The following TMEM74 variants were observed in gnomAD, a reference collection of about 807,000 sequenced individuals.
The protein encoded by TMEM74 is transmembrane protein 74.
TMEM74 carries 13 observed loss-of-function variants against 18.1 expected under a neutral mutation model. The observed-to-expected ratio is 0.72, with a 90% CI of 0.47 to 1.14. The LOEUF is 1.14. Ranked by LOEUF, TMEM74 falls within the 50% of genes most tolerant of loss-of-function variation. The pLI is 0.00. For synonymous variants in TMEM74, 159 were observed against 146.6 expected (o/e 1.08, Z -0.61); for missense variants, 372 against 375.9 (o/e 0.99, Z 0.09).
intron 1 of TMEM74, among the ~76,000 whole-genome samples, chr8:108,712,153 G>T (rs2130624172): frequency 6.6e-6 from 1 of 152,238 alleles, no homozygotes; most frequent in African/African-American, 2.4e-5. Context: ...TCCTCCAGGT[G>T]ATTCTGATGC....
At chr8:108,741,957 T>A (rs983678878) in intron 1 of TMEM74, among the ~76,000 whole-genome samples, 2 of 152,176 alleles carry the variant, frequency 1.3e-5, no homozygotes, top group Non-Finnish European at 2.9e-5. Context: ...CATGAAATAC[T>A]ATGCAGCCAT....
intron 1 of TMEM74, among the ~76,000 whole-genome samples, chr8:108,763,428 C>T (rs893044127): frequency 5.9e-5 from 9 of 152,048 alleles, no homozygotes; most frequent in Admixed American, 4.6e-4. Flanking sequence ...GCATAGTACT[C>T]GTATGTTTAA....
At chr8:108,705,718 GA>G (rs57205912) in intron 1 of TMEM74, among the ~76,000 whole-genome samples, 4,560 of 150,834 alleles carry the variant, frequency 0.03, 131 homozygotes, top group African/African-American at 0.068. Flanking sequence ...GGAGTCTTAT[GA>G]AAAAAAAAGT....
In TMEM74 at chr8:108,784,339, T is replaced by C. The variant is rs1181301160; in HGVS notation, c.760A>G (p.Met254Val). 4.3e-6 allele frequency: 7 copies of C among 1,614,004 alleles called. No individual in the cohort carries two copies. In the South Asian group the frequency reaches 6.6e-5, roughly 15 times the overall value. ...VILSCLLMMS[M>V]WKGELYRRNR... is the part of the protein sequence containing the mutation. ...CGACGATAGAGCTCCCCCTTCCACA[T>C]GGACATCATTAACAAGCAGGACAGG... Residue 254 changes from methionine to valine, a missense_variant, in exon 2 of 2, where the codon ATG becomes GTG. Physicochemically the swap from Met to Val is conservative, Grantham distance 21. Coordinates refer to ENST00000297459, the MANE Select transcript of TMEM74 (RefSeq NM_153015.3).
intron 1 of TMEM74, among the ~76,000 whole-genome samples, chr8:108,752,779 A>G (rs1813916478): frequency 6.6e-6 from 1 of 152,014 alleles, no homozygotes; most frequent in South Asian, 2.1e-4. Context: ...AAGCATCTAC[A>G]TCTCTTCCTT....
intron 2 of TMEM74, among the ~76,000 whole-genome samples, chr8:108,632,484 A>G (rs1254446798): frequency 6.6e-6 from 1 of 152,058 alleles, no homozygotes; most frequent in Non-Finnish European, 1.5e-5. Flanking sequence ...AAATTTTAAA[A>G]GATGATGAGA....
At chr8:108,778,088 A>G (rs1466015373), downstream of TMEM74, among the ~76,000 whole-genome samples, 2 of 152,160 alleles carry the variant, frequency 1.3e-5, no homozygotes, top group Non-Finnish European at 2.9e-5. Context: ...AAATTGATCA[A>G]GTGATCATTA....
rs1814301910 is a variant in TMEM74 at position 108,781,123 on chromosome 8, CT to C, written c.*3057del. On this transcript the variant is annotated 3_prime_UTR_variant, in exon 2 of 2. Coordinates refer to ENST00000297459, the MANE Select transcript of TMEM74 (RefSeq NM_153015.3). Reference sequence around the variant, plus strand: ...CTTCTCATTGAGACTAGGAAGATGACTCTTGAGTTTAGATTTCTAAAACCAT... The same window carrying C: ...CTTCTCATTGAGACTAGGAAGATGACCTTGAGTTTAGATTTCTAAAACCAT... Among the ~76,000 whole-genome samples, 1 of 152,092 alleles carries C rather than the reference CT, an allele frequency of 6.6e-6. No homozygotes were observed. The highest frequency in any genetic ancestry group is 2.1e-4 in the South Asian group (1 of 4,812).
intron 1 of TMEM74, among the ~76,000 whole-genome samples, chr8:108,745,892 T>C (rs549364890): frequency 6.6e-6 from 1 of 152,258 alleles, no homozygotes; most frequent in South Asian, 2.1e-4. Flanking sequence ...ATCCCTATCT[T>C]GTTGTGTTCT....
At chr8:108,667,559 G>A (rs1398934476) in intron 1 of TMEM74, among the ~76,000 whole-genome samples, 1 of 151,990 alleles carries the variant, frequency 6.6e-6, no homozygotes, top group Non-Finnish European at 1.5e-5. Flanking sequence ...CTTATTAGTT[G>A]GGTAGTAGGA....
chr8:108,746,034 C>A (rs1185410855), intron 1 of TMEM74, among the ~76,000 whole-genome samples: 1 of 152,114 alleles, frequency 6.6e-6, no homozygotes, highest in Admixed American at 6.6e-5. Flanking sequence ...GGGAGCTTGG[C>A]TCTTGAGACA....
At chr8:108,740,167 A>T (rs1813786451) in intron 1 of TMEM74, among the ~76,000 whole-genome samples, 1 of 152,198 alleles carries the variant, frequency 6.6e-6, no homozygotes, top group Non-Finnish European at 1.5e-5. Context: ...TCCAGAGGAC[A>T]TTATGTCAGA....
intron 2 of TMEM74, among the ~76,000 whole-genome samples, chr8:108,642,481 C>A (rs965779421): frequency 6.6e-6 from 1 of 151,772 alleles, no homozygotes; most frequent in Non-Finnish European, 1.5e-5. Flanking sequence ...AGAAAACAAT[C>A]GACAAAGCTG....
At position 108,683,889 on chromosome 8, in the gene TMEM74, G is replaced by C. The variant is rs539049524; in HGVS notation, n.120-28452C>G. ...TTTGCTGGTTTATTTCACTTAACAT[G>C]ATGTATCTCAGTTCCATCCATGCTG... On this transcript the variant is annotated intron_variant and non_coding_transcript_variant, in intron 1 of 3. Coordinates refer to the TMEM74 transcript ENST00000518838. Among the ~76,000 whole-genome samples, 3 of 152,134 alleles carry C rather than the reference G, an allele frequency of 2.0e-5. No individual in the cohort carries two copies. In the East Asian group the frequency reaches 5.8e-4, roughly 29 times the overall value.
chr8:108,771,724 A>G (rs545239800), intron 1 of TMEM74, among the ~76,000 whole-genome samples: 3 of 152,304 alleles, frequency 2.0e-5, no homozygotes, highest in East Asian at 1.9e-4. Flanking sequence ...TTGTTGAGAT[A>G]TGAGGTTTTT....
intron 1 of TMEM74, among the ~76,000 whole-genome samples, chr8:108,761,122 C>A (rs547042201): frequency 1.3e-5 from 2 of 152,152 alleles, no homozygotes; most frequent in East Asian, 3.9e-4. Context: ...CTCCATCAAT[C>A]CACTAAACAT....
At chr8:108,770,054 T>A (rs1814154366) in intron 1 of TMEM74, among the ~76,000 whole-genome samples, 1 of 152,222 alleles carries the variant, frequency 6.6e-6, no homozygotes, top group South Asian at 2.1e-4. Context: ...TAGGTAAAAT[T>A]TTTCATTACT....
intron 2 of TMEM74, among the ~76,000 whole-genome samples, chr8:108,642,823 G>A (rs1028280869): frequency 5.3e-5 from 8 of 152,104 alleles, no homozygotes; most frequent in African/African-American, 1.4e-4. Flanking sequence ...AGGCTCAAAG[G>A]CCTATTATAT....
chr8:108,706,773 A>AC, intron 1 of TMEM74, among the ~76,000 whole-genome samples: 1 of 82,166 alleles, frequency 1.2e-5, no homozygotes, highest in South Asian at 5.3e-4. Flanking sequence ...TAGAATTACA[A>AC]GGGGTGTGTG....
Sources: allele counts gnomAD v4.1 joint callset (sites outside exome capture counted in the v4.1 genomes callset), GRCh38; gene constraint gnomAD v4.1.1; transcripts MANE v1.5; gene names NCBI Gene and HGNC (gene_info 2026-07-23, HGNC 2026-07-21).